CDYL2: variants seen among roughly 807,000 people sequenced by gnomAD.
CDYL2 encodes the protein chromodomain Y-like protein 2.
A neutral mutation model predicts 49.4 loss-of-function variants in CDYL2; 23 were observed. That is an observed-to-expected ratio of 0.47 (90% CI 0.34 to 0.66). The LOEUF is 0.66. Ranked by LOEUF, CDYL2 falls within the 30% of genes least tolerant of loss-of-function variation. The pLI is 0.01. For missense variants in CDYL2, 678 were observed against 656.4 expected (o/e 1.03, Z -0.36); for synonymous variants, 360 against 268.8 (o/e 1.34, Z -3.32).
At chr16:80,772,684 C>CTCA (rs1293770895) in intron 1 of CDYL2, among the ~76,000 whole-genome samples, 2 of 152,148 alleles carry the variant, frequency 1.3e-5, no homozygotes, top group Non-Finnish European at 2.9e-5. Flanking sequence ...ATCTCCTGAC[C>CTCA]TCATGATCCA....
At chr16:80,749,886 C>T (rs1369142302) in intron 1 of CDYL2, among the ~76,000 whole-genome samples, 1 of 152,104 alleles carries the variant, frequency 6.6e-6, no homozygotes, top group Admixed American at 6.6e-5. Context: ...CACATAGACA[C>T]CATGGAATAC....
intron 1 of CDYL2, among the ~76,000 whole-genome samples, chr16:80,711,323 T>A (rs778322483): frequency 1.3e-5 from 2 of 152,168 alleles, no homozygotes; most frequent in South Asian, 2.1e-4. Flanking sequence ...TTGAACCATT[T>A]GTGTCAGAAG....
intron 1 of CDYL2, among the ~76,000 whole-genome samples, chr16:80,757,975 T>C (rs898356259): frequency 6.6e-6 from 1 of 152,012 alleles, no homozygotes; most frequent in South Asian, 2.1e-4. Context: ...CAATAAAACT[T>C]CGAAACACAA....
chr16:80,677,817 A>G (rs1909816933), intron 2 of CDYL2, among the ~76,000 whole-genome samples: 1 of 152,004 alleles, frequency 6.6e-6, no homozygotes, highest in East Asian at 1.9e-4. Context: ...ATCCTAAGCC[A>G]AAAGAACAAA....
intron 1 of CDYL2, among the ~76,000 whole-genome samples, chr16:80,754,398 C>T (rs1906238680): frequency 2.6e-5 from 4 of 152,162 alleles, no homozygotes; most frequent in Admixed American, 2.6e-4. Flanking sequence ...CAAGCAAAGG[C>T]CACCCTAACA....
chr16:80,753,254 C>G (rs1248778394), intron 1 of CDYL2, among the ~76,000 whole-genome samples: 1 of 150,034 alleles, frequency 6.7e-6, no homozygotes, highest in Non-Finnish European at 1.5e-5. Flanking sequence ...TGGTAAATTC[C>G]CAACTTAAAA....
intron 1 of CDYL2, among the ~76,000 whole-genome samples, chr16:80,777,598 T>A (rs368112457): frequency 6.6e-5 from 10 of 152,064 alleles, no homozygotes; most frequent in African/African-American, 1.2e-4. Context: ...TTCAGATAAA[T>A]GTTAAAATAA....
At chr16:80,727,193 A>C (rs921034989) in intron 1 of CDYL2, among the ~76,000 whole-genome samples, 1 of 152,246 alleles carries the variant, frequency 6.6e-6, no homozygotes, top group Non-Finnish European at 1.5e-5. Context: ...TACCGGGTTC[A>C]TCTCACTAGG....
rs112771070 is a variant in CDYL2 at position 80,642,657 on chromosome 16, T to C, written c.617-9421A>G. ...CGTGGCTGGGGAGGCCTCAGAATCA[T>C]GGAGGGAGGTGAAAGGCACTTCTTA... On this transcript the variant is annotated intron_variant, in intron 2 of 6. Coordinates refer to ENST00000570137, the MANE Select transcript of CDYL2 (RefSeq NM_152342.4). Among the ~76,000 whole-genome samples, 1,358 of 152,140 alleles carry C rather than the reference T, an allele frequency of 8.9e-3. 14 individuals are homozygous for C. Among genetic ancestry groups the C allele is most frequent in the East Asian group, 0.012 (60 of 5,174 alleles).
At chr16:80,780,519 C>G (rs1402324258) in intron 1 of CDYL2, among the ~76,000 whole-genome samples, 2 of 151,428 alleles carry the variant, frequency 1.3e-5, no homozygotes, top group East Asian at 3.9e-4. Context: ...ATTCTCCTGC[C>G]TCAGCCTCCC....
chr16:80,616,191 G>A (rs193265095), intron 4 of CDYL2, among the ~76,000 whole-genome samples: 8 of 152,320 alleles, frequency 5.3e-5, no homozygotes, highest in African/African-American at 1.7e-4. Context: ...GTGAGACCTT[G>A]GACAGGGTGC....
chr16:80,767,223 T>C (rs1411974964), intron 1 of CDYL2, among the ~76,000 whole-genome samples: 5 of 152,286 alleles, frequency 3.3e-5, no homozygotes, highest in Admixed American at 1.3e-4. Flanking sequence ...TTCCTTTGAT[T>C]CTCCAATTAC....
chr16:80,780,216 T>A (rs1907218765), intron 1 of CDYL2, among the ~76,000 whole-genome samples: 1 of 152,118 alleles, frequency 6.6e-6, no homozygotes, highest in African/African-American at 2.4e-5. Flanking sequence ...TGTGAATTTT[T>A]CGTAAAAATT....
chr16:80,640,435 G>T (rs59482367), intron 2 of CDYL2, among the ~76,000 whole-genome samples: 1 of 152,020 alleles, frequency 6.6e-6, no homozygotes, highest in Non-Finnish European at 1.5e-5. Flanking sequence ...CAGGTACCAC[G>T]TTGAGGGCCT....
At chr16:80,718,231 T>C (rs558107719) in intron 1 of CDYL2, among the ~76,000 whole-genome samples, 145 of 152,296 alleles carry the variant, frequency 9.5e-4, no homozygotes, top group Middle Eastern at 3.4e-3. Flanking sequence ...TCACACAAAA[T>C]TGAAGGACCA....
intron 4 of CDYL2, among the ~76,000 whole-genome samples, chr16:80,619,884 C>T (rs558220570): frequency 7.6e-4 from 116 of 152,320 alleles, no homozygotes; most frequent in Admixed American, 1.6e-3. Flanking sequence ...CCTATAGCCA[C>T]GTGGGAATCA....
chr16:80,604,628 G>A, intron 6 of CDYL2, 82 bp from the exon 7 acceptor site: 2 of 1,441,178 alleles, frequency 1.4e-6, no homozygotes, highest in South Asian at 2.3e-5. Flanking sequence ...TGGGGCACTG[G>A]CCAACCTCCC....
chr16:80,634,000 A>T (rs532115163), intron 2 of CDYL2, among the ~76,000 whole-genome samples: 18 of 151,394 alleles, frequency 1.2e-4, no homozygotes, highest in Non-Finnish European at 2.5e-4. Context: ...CCAAGCCAAC[A>T]CCCCCAAACC....
chr16:80,664,687 C>G (rs1909187245), intron 2 of CDYL2, among the ~76,000 whole-genome samples: 1 of 152,162 alleles, frequency 6.6e-6, no homozygotes, highest in African/African-American at 2.4e-5. Flanking sequence ...TAGCCCTGTC[C>G]CTCAAGAAGC....
Sources: allele counts gnomAD v4.1 joint callset (sites outside exome capture counted in the v4.1 genomes callset), GRCh38; gene constraint gnomAD v4.1.1; transcripts MANE v1.5; gene names NCBI Gene and HGNC (gene_info 2026-07-23, HGNC 2026-07-21).